TMEM255A: variants seen among roughly 807,000 people sequenced by gnomAD.
TMEM255A encodes transmembrane protein 255A.
TMEM255A carries 14 observed loss-of-function variants against 23.5 expected under a neutral mutation model. The ratio of observed to expected loss-of-function variants is 0.60; its 90% confidence interval spans 0.39 to 0.93. The LOEUF (loss-of-function observed/expected upper bound fraction) is 0.93. Ranked by LOEUF, TMEM255A falls within the 40% of genes least tolerant of loss-of-function variation. The probability of loss-of-function intolerance (pLI) is 0.00; values close to 1 mark genes in which losing one functional copy is unlikely to be tolerated. For missense variants in TMEM255A, 233 were observed against 261.7 expected (o/e 0.89, Z 0.76); for synonymous variants, 104 against 100.3 (o/e 1.04, Z -0.22).
At chrX:120,289,210 T>C (rs1324530482) in intron 4 of TMEM255A, among the ~76,000 whole-genome samples, 1 of 111,784 alleles carries the variant, frequency 8.9e-6, no homozygotes, top group Non-Finnish European at 1.9e-5. Context: ...GACTAGCCAA[T>C]GTCTTAGGGC....
chrX:120,284,163 C>G (rs1195327665), intron 6 of TMEM255A, among the ~76,000 whole-genome samples: 1 of 112,238 alleles, frequency 8.9e-6, no homozygotes, highest in Admixed American at 9.4e-5. Context: ...CTGATCCCCA[C>G]TGCACTTATC....
At chrX:120,277,692 TTC>T (rs2057808839) in intron 6 of TMEM255A, among the ~76,000 whole-genome samples, 1 of 112,282 alleles carries the variant, frequency 8.9e-6, no homozygotes, top group African/African-American at 3.2e-5. Flanking sequence ...GGGACCTGAA[TTC>T]AGGCTTCAAA....
intron 4 of TMEM255A, among the ~76,000 whole-genome samples, chrX:120,290,898 A>G (rs1051561721): frequency 9.0e-5 from 10 of 111,397 alleles, no homozygotes; most frequent in South Asian, 3.8e-4. Context: ...GTTGCCCCCA[A>G]TACTAGTTCT....
chrX:120,284,489 C>G (rs782818362), intron 6 of TMEM255A, among the ~76,000 whole-genome samples: 48 of 110,730 alleles, frequency 4.3e-4, no homozygotes, highest in Non-Finnish European at 7.6e-4. Flanking sequence ...GAGGCCTTCC[C>G]TGGCTACTCT....
intron 8 of TMEM255A, among the ~76,000 whole-genome samples, chrX:120,261,233 C>A (rs1391412261): frequency 1.8e-5 from 2 of 111,728 alleles, no homozygotes; most frequent in African/African-American, 6.5e-5. Flanking sequence ...AATAGGGAAT[C>A]CTCCTCTGCA....
At position 120,260,165 on chromosome X, in the gene TMEM255A, A is replaced by G. The variant is rs1306103415; in HGVS notation, c.*705T>C. The G allele has an allele frequency of 2.7e-6, 2 of 738,732 alleles. No homozygotes were observed. Among genetic ancestry groups the G allele is most frequent in the Non-Finnish European group, 3.2e-6 (2 of 625,902 alleles). 60.9% of individuals were successfully genotyped at this position (738,732 alleles called of 1,213,427 possible). ...AAGTGATCTACTTAAAACATCTCAC[A>G]TGTTGCTGTGTATTTCAGTGTTTCC... On this transcript the variant is annotated 3_prime_UTR_variant, in exon 9 of 9. Transcript: ENST00000371369.
chrX:120,304,693 T>C (rs1268957698), intron 1 of TMEM255A, among the ~76,000 whole-genome samples: 1 of 111,729 alleles, frequency 9.0e-6, no homozygotes, highest in East Asian at 2.8e-4. Context: ...TAATAAAATA[T>C]GTATTTCCAA....
At chrX:120,285,511 G>A in intron 5 of TMEM255A, 1 of 989,114 alleles carries the variant, frequency 1.0e-6, no homozygotes, top group Admixed American at 2.3e-5. Flanking sequence ...AGAACAAATG[G>A]ACTGAAGGAA....
intron 8 of TMEM255A, among the ~76,000 whole-genome samples, chrX:120,263,779 C>T (rs1360724562): frequency 2.2e-4 from 22 of 99,138 alleles, no homozygotes; most frequent in Admixed American, 2.2e-3. Context: ...AAGGAGGGGA[C>T]GAAAGGAAAG....
chrX:120,255,478 A>C, downstream of TMEM255A: 1 of 1,031,685 alleles, frequency 9.7e-7, no homozygotes. Context: ...ATGATGGGGC[A>C]GGGGTTTCAG....
intron 8 of TMEM255A, among the ~76,000 whole-genome samples, chrX:120,264,879 CT>C (rs3030544): frequency 1.7e-3 from 159 of 93,589 alleles, no homozygotes; most frequent in South Asian, 4.7e-3. Context: ...CTTGACTTTC[CT>C]TTTTTTTTTT....
intron 4 of TMEM255A, among the ~76,000 whole-genome samples, chrX:120,290,892 C>T (rs1455310870): frequency 9.0e-6 from 1 of 111,393 alleles, no homozygotes; most frequent in Non-Finnish European, 1.9e-5. Context: ...TACCCCGTTG[C>T]CCCCAATACT....
chrX:120,293,943 G>T, intron 3 of TMEM255A, 46 bp downstream of exon 3: 1 of 964,955 alleles, frequency 1.0e-6, no homozygotes, highest in Non-Finnish European at 1.5e-6. Context: ...TAAATGTTGT[G>T]CTTTTTTAGA....
intron 4 of TMEM255A, among the ~76,000 whole-genome samples, chrX:120,289,938 A>G (rs2057903119): frequency 9.0e-6 from 1 of 111,287 alleles, no homozygotes; most frequent in African/African-American, 3.3e-5. Flanking sequence ...TATATATTAT[A>G]TTATTCTATT....
chrX:120,255,498 A>T, downstream of TMEM255A: 1 of 911,839 alleles, frequency 1.1e-6, no homozygotes, highest in Non-Finnish European at 1.5e-6. Flanking sequence ...GAAGATCTGT[A>T]AAACAAATTA....
chrX:120,256,461 G>A (rs1374301625), downstream of TMEM255A: 1 of 122,225 alleles, frequency 8.2e-6, no homozygotes, highest in East Asian at 2.8e-4. Flanking sequence ...ATTTGAAATA[G>A]TTGAATCAGT....
intron 6 of TMEM255A, among the ~76,000 whole-genome samples, chrX:120,280,836 C>T (rs1328525802): frequency 9.0e-6 from 1 of 110,801 alleles, no homozygotes; most frequent in Admixed American, 9.6e-5. Flanking sequence ...TAATTCCAAA[C>T]CTTTGCTCAG....
At chrX:120,307,678 G>T (rs933900891) in intron 1 of TMEM255A, among the ~76,000 whole-genome samples, 1 of 112,127 alleles carries the variant, frequency 8.9e-6, no homozygotes, top group African/African-American at 3.2e-5. Flanking sequence ...ACACCTGAGG[G>T]TTCCCTCAAA....
At chrX:120,275,418 A>C (rs2057789842) in intron 7 of TMEM255A, among the ~76,000 whole-genome samples, 1 of 111,924 alleles carries the variant, frequency 8.9e-6, no homozygotes, top group African/African-American at 3.3e-5. Context: ...AAAACGACAG[A>C]GTTTCTTTCT....
Sources: gnomAD v4.1 joint callset for allele counts (sites outside exome capture counted in the v4.1 genomes callset) on GRCh38, gnomAD v4.1.1 for gene constraint, MANE v1.5 for transcripts, NCBI Gene and HGNC (gene_info 2026-07-23, HGNC 2026-07-21) for gene names.